MAP2K2: variants seen among roughly 807,000 people sequenced by gnomAD.
The protein encoded by MAP2K2 is dual specificity mitogen-activated protein kinase kinase 2.
A neutral mutation model predicts 43.7 loss-of-function variants in MAP2K2; 24 were observed. The observed-to-expected ratio is 0.55, with a 90% CI of 0.40 to 0.77. The LOEUF is 0.77. MAP2K2 is among the 30% of genes least tolerant of loss of function. MAP2K2 has a pLI of 0.00. For synonymous variants in MAP2K2, 244 were observed against 239.7 expected (o/e 1.02, Z -0.17); for missense variants, 470 against 566.8 (o/e 0.83, Z 1.73).
chr19:4,099,764 G>A lies in MAP2K2; in HGVS notation c.706-350C>T, dbSNP rs145893317. On this transcript the variant is annotated intron_variant, in intron 6 of 10. Coordinates refer to ENST00000262948, the MANE Select transcript of MAP2K2 (RefSeq NM_030662.4). ...GCTCCAAGGCTCAATTTGGCAGGTT[G>A]CTGAATCCCCAGTCGTTTCCTGAAA... The A allele has an allele frequency of 2.6e-3, 915 of 346,532 alleles. 3 individuals are homozygous for A. Among genetic ancestry groups the A allele is most frequent in the Middle Eastern group, 6.4e-3 (8 of 1,248 alleles). 21.5% of individuals were successfully genotyped at this position (346,532 alleles called of 1,614,324 possible). A position where few individuals can be genotyped will look rare whatever the true frequency, so the allele number is the denominator to read the frequency against.
At position 4,094,471 on chromosome 19, in the gene MAP2K2, C is replaced by G. The variant is rs140896887; in HGVS notation, c.1074G>C (p.Ala358=). The change falls in exon 10 of 11, where the codon GCG becomes GCC. Residue 358 remains alanine (A), a synonymous_variant. Coordinates refer to ENST00000262948, the MANE Select transcript of MAP2K2 (RefSeq NM_030662.4). ...KCLIKNPAER[A]DLKMLTNHTF... Reference sequence around the variant, plus strand: ...CACTCACTGTGAGCATCTTCAGGTCCGCCCGCTCCGCTGGGTTCTTGATGA... The same window carrying G: ...CACTCACTGTGAGCATCTTCAGGTCGGCCCGCTCCGCTGGGTTCTTGATGA... 6.4e-7 allele frequency: 1 copy of G among 1,567,268 alleles called. No individual in the cohort carries two copies. Among genetic ancestry groups the G allele is most frequent in the African/African-American group, 1.3e-5 (1 of 74,318 alleles).
At chr19:4,120,373 G>C (rs1599309705) in intron 1 of MAP2K2, among the ~76,000 whole-genome samples, 1 of 152,222 alleles carries the variant, frequency 6.6e-6, no homozygotes, top group East Asian at 1.9e-4. Context: ...GAGTGCACTG[G>C]CACGATCTCA....
Position 4,090,385 on chromosome 19 carries a change from A to G in MAP2K2, c.*213T>C. The G allele has an allele frequency of 1.6e-6, 1 of 615,212 alleles. No homozygotes were observed. The allele number at this position is 615,212 out of a possible 1,614,324, so 38.1% of individuals were successfully genotyped here. A position where few individuals can be genotyped will look rare whatever the true frequency, so the allele number is the denominator to read the frequency against. On this transcript the variant is annotated 3_prime_UTR_variant, in exon 11 of 11. Coordinates refer to ENST00000262948, the MANE Select transcript of MAP2K2 (RefSeq NM_030662.4). ...AAGCAGAGCCTCTGAGACCACACAC[A>G]GCAGCGTCGCCCGTCCCCAGAGGCA... is the stretch of plus-strand genomic sequence containing the variant.
Position 4,115,221 on chromosome 19 carries a change from C to T in MAP2K2, c.303+2198G>A, listed in dbSNP as rs1228856971. 6.6e-6 allele frequency among the ~76,000 whole-genome samples: 1 copy of T among 152,194 alleles called. No homozygotes were observed. The highest frequency in any genetic ancestry group is 1.5e-5 in the Non-Finnish European group (1 of 68,034). ...CTGACACCCAGAGCTGATGCTGGGACATCTCCACCCACCAGACCACAGAAC... is the reference window on the plus strand; with the variant it reads ...CTGACACCCAGAGCTGATGCTGGGATATCTCCACCCACCAGACCACAGAAC... On this transcript the variant is annotated intron_variant, in intron 2 of 10. Coordinates refer to ENST00000262948, the MANE Select transcript of MAP2K2 (RefSeq NM_030662.4). The surrounding 1 kb of genome is among the most constrained non-coding windows in gnomAD (Gnocchi z 4.1).
chr19:4,117,001 G>A (rs1304221381), intron 2 of MAP2K2, among the ~76,000 whole-genome samples: 1 of 152,146 alleles, frequency 6.6e-6, no homozygotes, highest in South Asian at 2.1e-4. Flanking sequence ...ATCTTACGTC[G>A]CCACCGCTGC....
intron 8 of MAP2K2, among the ~76,000 whole-genome samples, chr19:4,096,518 C>T (rs2040920008): frequency 6.6e-6 from 1 of 152,210 alleles, no homozygotes; most frequent in South Asian, 2.1e-4. Context: ...GGCCGCGTCC[C>T]TCCTTGTGCC....
rs963214377 is a variant in MAP2K2, at chr19:4,115,437, G to A, written c.303+1982C>T. On this transcript the variant is annotated intron_variant, in intron 2 of 10. Transcript: ENST00000262948. This position sits in a 1 kb window ranked among gnomAD's most constrained non-coding sequence, Gnocchi z 4.1. ...ACTGGAGGCTCCCCCAGAAGCCTGA[G>A]GGTCCCTGGCACACACGAGGACTGG... is the stretch of plus-strand genomic sequence containing the variant. Among the ~76,000 whole-genome samples, 1 of 152,208 alleles carries A rather than the reference G, an allele frequency of 6.6e-6. No individual in the cohort carries two copies. Among genetic ancestry groups the A allele is most frequent in the African/African-American group, 2.4e-5 (1 of 41,458 alleles).
In MAP2K2 at chr19:4,110,086, C is replaced by T. The variant is rs564919870; in HGVS notation, c.450+423G>A. Among the ~76,000 whole-genome samples, 237 of 152,134 alleles carry T rather than the reference C, an allele frequency of 1.6e-3. 3 individuals carry two copies. Among genetic ancestry groups the T allele is most frequent in the Non-Finnish European group, 2.1e-4 (14 of 68,002 alleles). On this transcript the variant is annotated intron_variant, in intron 3 of 10. Coordinates refer to ENST00000262948, the MANE Select transcript of MAP2K2 (RefSeq NM_030662.4). ...TGGGAAGTCGAGGCAGGTGGATCAC[C>T]TGAGGTCAGGAGTTTGAGACCAGCC...
intron 8 of MAP2K2, among the ~76,000 whole-genome samples, chr19:4,097,078 C>T (rs1282118488): frequency 1.3e-5 from 2 of 149,976 alleles, no homozygotes; most frequent in African/African-American, 2.4e-5. Context: ...CCTGTAATCC[C>T]AGCTACTCGG....
intron 1 of MAP2K2, 142 bp from the exon 2 acceptor site, chr19:4,117,771 G>T (rs2041243617): frequency 6.4e-6 from 5 of 785,620 alleles, no homozygotes; most frequent in Admixed American, 6.0e-5. Context: ...AGAAGGAAAG[G>T]ATCCATGCTG....
chr19:4,097,735 TGGGGGCAGGCCCCAA>T (rs2040940477), intron 7 of MAP2K2, among the ~76,000 whole-genome samples: 1 of 152,084 alleles, frequency 6.6e-6, no homozygotes, highest in South Asian at 2.1e-4. Context: ...CTGGCGGTGA[TGGGGGCAGGCCCCAA>T]GTGCCACTCA....
intron 10 of MAP2K2, among the ~76,000 whole-genome samples, chr19:4,092,925 C>T (rs8110049): frequency 0.018 from 2,781 of 152,090 alleles, 79 homozygotes; most frequent in African/African-American, 0.064. Flanking sequence ...ACTAGCTGGG[C>T]AGGTCGGGCA....
chr19:4,120,892 G>A (rs1262479260), intron 1 of MAP2K2, among the ~76,000 whole-genome samples: 1 of 145,388 alleles, frequency 6.9e-6, no homozygotes, highest in Non-Finnish European at 1.6e-5. Context: ...GTGTCTGGCT[G>A]TGCCCGTGTT....
At chr19:4,113,636 C>T (rs971900777) in intron 2 of MAP2K2, among the ~76,000 whole-genome samples, 5 of 152,192 alleles carry the variant, frequency 3.3e-5, no homozygotes, top group Admixed American at 1.3e-4. Flanking sequence ...GACACCACAG[C>T]CCAGGCCGTG....
rs1457961264 is a variant in MAP2K2 at position 4,115,151 on chromosome 19, G to A, written c.303+2268C>T. On this transcript the variant is annotated intron_variant, in intron 2 of 10. Transcript: ENST00000262948. This position sits in a 1 kb window ranked among gnomAD's most constrained non-coding sequence, Gnocchi z 4.1. ...CGAGAGTCCCGTGCGCCCTTTCCCC[G>A]CCTCCCCCAAGATGACTGACATCTT... 2.0e-5 allele frequency among the ~76,000 whole-genome samples: 3 copies of A among 152,028 alleles called. No individual in the cohort carries two copies. Among genetic ancestry groups the A allele is most frequent in the South Asian group, 2.1e-4 (1 of 4,816 alleles).
In MAP2K2 at chr19:4,100,428, T is replaced by TGGAA. The variant is rs1568253174; in HGVS notation, c.705+590_705+591insTTCC. On this transcript the variant is annotated intron_variant, in intron 6 of 10. Coordinates refer to ENST00000262948, the MANE Select transcript of MAP2K2 (RefSeq NM_030662.4). ...CTGGGTGACAGAGCAAGACTCTGTC[T>TGGAA]CAAAAAAAAAAAAAAAAAAAAAAAA... 4.2e-4 allele frequency: 9 copies of TGGAA among 21,512 alleles called. 1 individual carries two copies. Among genetic ancestry groups the TGGAA allele is most frequent in the African/African-American group, 1.9e-3 (8 of 4,236 alleles). The allele number at this position is 21,512 out of a possible 1,614,324, so 1.3% of individuals were successfully genotyped here. A position where few individuals can be genotyped will look rare whatever the true frequency, so the allele number is the denominator to read the frequency against.
At chr19:4,092,236 T>G (rs1190585125) in intron 10 of MAP2K2, among the ~76,000 whole-genome samples, 2 of 152,084 alleles carry the variant, frequency 1.3e-5, no homozygotes, top group African/African-American at 4.8e-5. Context: ...ACCAACCAAC[T>G]TGATAGGACA....
chr19:4,109,487 G>A (rs561196324), intron 3 of MAP2K2, among the ~76,000 whole-genome samples: 1 of 152,264 alleles, frequency 6.6e-6, no homozygotes, highest in Non-Finnish European at 1.5e-5. Context: ...TGCCCGGGCT[G>A]GAGTGCAGTG....
chr19:4,103,932 G>A (rs573390995), intron 3 of MAP2K2, among the ~76,000 whole-genome samples: 152 of 152,260 alleles, frequency 1.0e-3, no homozygotes, highest in African/African-American at 3.5e-3. Flanking sequence ...TCTATTCTCA[G>A]TTTTTATCAA....
Sources: gnomAD v4.1 joint callset for allele counts (sites outside exome capture counted in the v4.1 genomes callset) on GRCh38, gnomAD v4.1.1 for gene constraint, Gnocchi (gnomAD v3.1) non-coding constraint, MANE v1.5 for transcripts, NCBI Gene and HGNC (gene_info 2026-07-23, HGNC 2026-07-21) for gene names.